Variants in MYOM1 observed in about 807,000 individuals in gnomAD.
The protein encoded by MYOM1 is myomesin 1.
Under a neutral mutation model 205.3 loss-of-function variants are expected in MYOM1, and 164 were observed. The observed-to-expected ratio is 0.80, with a 90% CI of 0.70 to 0.91. The LOEUF is 0.91. Among genes scored for constraint, MYOM1 ranks in the 40% least tolerant of loss-of-function variants. The pLI, the probability that MYOM1 is intolerant of heterozygous loss-of-function variation, is 0.00. For synonymous variants in MYOM1, 772 were observed against 789.4 expected, an observed-to-expected ratio of 0.98 and a Z score of 0.37; for missense variants, 2,011 against 2,127.3, an observed-to-expected ratio of 0.95 and a Z score of 1.08.
chr18:3,228,439 C>T, the MYOM1 span, among the ~76,000 whole-genome samples: 2 of 152,094 alleles, frequency 1.3e-5, no homozygotes, highest in Non-Finnish European at 2.9e-5. This position sits in a 1 kb window ranked among gnomAD's most constrained non-coding sequence, Gnocchi z 4.5. Context: ...GCAACATGTG[C>T]CGAAACACAA....
intron 5 of MYOM1, among the ~76,000 whole-genome samples, chr18:3,180,486 C>T (rs1453243487): frequency 6.6e-6 from 1 of 152,190 alleles, no homozygotes; most frequent in South Asian, 2.1e-4. Flanking sequence ...GACTGGCTAT[C>T]TTTAGCTTTA....
At chr18:3,201,985 C>A (rs547190891) in intron 2 of MYOM1, among the ~76,000 whole-genome samples, 2 of 152,062 alleles carry the variant, frequency 1.3e-5, no homozygotes, top group Non-Finnish European at 2.9e-5. Context: ...GTATAAAATA[C>A]TTATTGCATT....
chr18:3,189,051 T>A lies in MYOM1; in HGVS notation c.468A>T (p.Glu156Asp), dbSNP rs768266477. The change falls in exon 4 of 38, where the codon GAA becomes GAT. Residue 156 changes from glutamate (E) to aspartate (D), a missense_variant. Physicochemically the swap from Glu to Asp is conservative, Grantham distance 45. Transcript: ENST00000356443. This position sits in a 1 kb window ranked among gnomAD's most constrained non-coding sequence, Gnocchi z 4.8. Reference protein sequence around the residue: ...KHVSGITDTEEERIKEAAAYI... With the variant: ...KHVSGITDTEDERIKEAAAYI... ...AAGCAGCAGCTTCTTTAATTCTTTCTTCTTCCGTATCAGTAATTCCACTGA... is the reference window on the plus strand; with the variant it reads ...AAGCAGCAGCTTCTTTAATTCTTTCATCTTCCGTATCAGTAATTCCACTGA... 1.2e-6 allele frequency: 2 copies of A among 1,613,442 alleles called. No individual in the cohort carries two copies. Among genetic ancestry groups the A allele is most frequent in the Non-Finnish European group, 1.7e-6 (2 of 1,179,674 alleles).
intron 2 of MYOM1, among the ~76,000 whole-genome samples, chr18:3,210,689 C>T (rs941829219): frequency 1.3e-5 from 2 of 152,186 alleles, no homozygotes; most frequent in South Asian, 4.2e-4. Flanking sequence ...TCAAAGGAAG[C>T]ACAATGCAAA....
At chr18:3,201,338 G>C (rs2081064320) in intron 2 of MYOM1, among the ~76,000 whole-genome samples, 1 of 151,854 alleles carries the variant, frequency 6.6e-6, no homozygotes, top group African/African-American at 2.4e-5. Context: ...GGCAGAGCTT[G>C]CAGTGAGCCA....
intron 27 of MYOM1, among the ~76,000 whole-genome samples, chr18:3,090,334 C>G (rs1370532243): frequency 6.6e-6 from 1 of 151,330 alleles, no homozygotes; most frequent in Non-Finnish European, 1.5e-5. Flanking sequence ...ATTCTCATGC[C>G]TCAGCCTCCC....
At chr18:3,149,119 G>C (rs779877746) in intron 13 of MYOM1, 26 bp downstream of exon 13, 1 of 1,608,298 alleles carries the variant, frequency 6.2e-7, no homozygotes, top group Non-Finnish European at 8.5e-7. Flanking sequence ...ATCAGCAATA[G>C]TATCTGGGGC....
intron 21 of MYOM1, among the ~76,000 whole-genome samples, chr18:3,112,792 G>A (rs563893583): frequency 1.3e-5 from 2 of 152,162 alleles, no homozygotes; most frequent in Non-Finnish European, 2.9e-5. Flanking sequence ...CATATATGTC[G>A]CTTTTCCCCC....
At chr18:3,129,199 CGGAT>C in intron 18 of MYOM1, 29 bp downstream of exon 18, 1 of 1,596,796 alleles carries the variant, frequency 6.3e-7, no homozygotes. Context: ...GTGATGGAGA[CGGAT>C]GGAACAGCTT....
rs2079949614 is a variant in MYOM1, at chr18:3,135,761, G to C, written c.2026-31C>G. The C allele has an allele frequency of 6.2e-7, 1 of 1,611,386 alleles. No homozygotes were observed. Among genetic ancestry groups the C allele is most frequent in the South Asian group, 1.1e-5 (1 of 90,904 alleles). On this transcript the variant is annotated intron_variant, in intron 14 of 37. Transcript: ENST00000356443. This position sits in a 1 kb window ranked among gnomAD's most constrained non-coding sequence, Gnocchi z 4.1. ...GCAAGAACAGGGAAACCCATTGAAA[G>C]CACAGCAAACACAAGCGAGAATCCA...
intron 11 of MYOM1, among the ~76,000 whole-genome samples, chr18:3,154,032 C>T (rs991058509): frequency 2.6e-5 from 4 of 152,154 alleles, no homozygotes; most frequent in East Asian, 3.9e-4. Flanking sequence ...GAATAATTTG[C>T]TTCTATTGAT....
rs1298634787 is a variant in MYOM1 at position 3,137,102 on chromosome 18, C to T, written c.2026-1372G>A. Among the ~76,000 whole-genome samples, 9 of 152,236 alleles carry T rather than the reference C, an allele frequency of 5.9e-5. No homozygotes were observed. The South Asian group carries it at 8.3e-4, about 14-fold the overall frequency. On this transcript the variant is annotated intron_variant, in intron 14 of 37. Transcript: ENST00000356443. ...AGTAGCTGGGACTACAGGCGCCCCC[C>T]ACCACACCTGGCTAATTTTTTGTAT... is the stretch of plus-strand genomic sequence containing the variant.
intron 20 of MYOM1, among the ~76,000 whole-genome samples, chr18:3,117,265 T>G (rs542235827): frequency 6.6e-6 from 1 of 152,330 alleles, no homozygotes; most frequent in East Asian, 1.9e-4. Flanking sequence ...GAGTAATAGC[T>G]CTTTCAAAGG....
At chr18:3,104,437 T>TA (rs1315290708) in intron 22 of MYOM1, among the ~76,000 whole-genome samples, 2 of 152,244 alleles carry the variant, frequency 1.3e-5, no homozygotes, top group African/African-American at 4.8e-5. Context: ...GAATCATCCA[T>TA]ATGCTTGTTG....
chr18:3,095,967 T>C (rs964356745), intron 25 of MYOM1, among the ~76,000 whole-genome samples: 3 of 152,128 alleles, frequency 2.0e-5, no homozygotes, highest in Non-Finnish European at 4.4e-5. Context: ...GGAAACTTAC[T>C]ATGTGAGTGA....
chr18:3,231,659 C>T, the MYOM1 span, among the ~76,000 whole-genome samples: 1 of 151,288 alleles, frequency 6.6e-6, no homozygotes, highest in Non-Finnish European at 1.5e-5. Context: ...CCTGCCTCAG[C>T]CTCCCCAGTA....
intron 16 of MYOM1, among the ~76,000 whole-genome samples, chr18:3,132,059 T>G (rs2079884309): frequency 1.4e-5 from 2 of 147,446 alleles, no homozygotes; most frequent in African/African-American, 2.5e-5. Context: ...AATAATAATA[T>G]ATACATATAT....
At chr18:3,078,774 C>T (rs915481830) in intron 34 of MYOM1, among the ~76,000 whole-genome samples, 3 of 152,038 alleles carry the variant, frequency 2.0e-5, no homozygotes, top group Admixed American at 2.0e-4. Context: ...GAGTATAGTT[C>T]TGGGAAAGGG....
At chr18:3,159,727 A>G (rs1006186768) in intron 10 of MYOM1, among the ~76,000 whole-genome samples, 1 of 152,254 alleles carries the variant, frequency 6.6e-6, no homozygotes, top group Non-Finnish European at 1.5e-5. Context: ...GAAGGCCGAC[A>G]TAAAAAACCA....
Sources: allele counts gnomAD v4.1 joint callset (sites outside exome capture counted in the v4.1 genomes callset), GRCh38; gene constraint gnomAD v4.1.1; non-coding constraint Gnocchi (gnomAD v3.1); transcripts MANE v1.5; gene names NCBI Gene and HGNC (gene_info 2026-07-23, HGNC 2026-07-21).